Variants in SPTLC2 observed in about 807,000 individuals in gnomAD.
SPTLC2 encodes serine palmitoyltransferase 2.
A neutral mutation model predicts 62.0 loss-of-function variants in SPTLC2; 21 were observed. That is an observed-to-expected ratio of 0.34 (90% CI 0.24 to 0.49). The LOEUF (loss-of-function observed/expected upper bound fraction) is 0.49. Ranked by LOEUF, SPTLC2 falls within the 20% of genes least tolerant of loss-of-function variation. The probability of loss-of-function intolerance (pLI) is 0.99; values close to 1 mark genes in which losing one functional copy is unlikely to be tolerated. For missense variants in SPTLC2, 511 were observed against 713.0 expected (o/e 0.72, Z 3.23); for synonymous variants, 261 against 261.8 (o/e 1.00, Z 0.03).
intron 1 of SPTLC2, among the ~76,000 whole-genome samples, chr14:77,600,983 C>T (rs2079874194): frequency 6.6e-6 from 1 of 150,994 alleles, no homozygotes; most frequent in Admixed American, 6.6e-5. Context: ...AAAAGATAAG[C>T]CATATGTGTA....
intron 1 of SPTLC2, among the ~76,000 whole-genome samples, chr14:77,606,837 A>C (rs2079907938): frequency 6.6e-6 from 1 of 152,064 alleles, no homozygotes; most frequent in Non-Finnish European, 1.5e-5. Flanking sequence ...ACATTTTCAA[A>C]AGTTAGCCGG....
intron 10 of SPTLC2, among the ~76,000 whole-genome samples, chr14:77,519,998 A>G (rs1038066827): frequency 6.6e-6 from 1 of 152,010 alleles, no homozygotes. Context: ...TTCTTTATAC[A>G]TGCTGTATAC....
At chr14:77,517,925 T>C in intron 11 of SPTLC2, 113 bp downstream of exon 11, 1 of 1,539,298 alleles carries the variant, frequency 6.5e-7, no homozygotes, top group Non-Finnish European at 8.9e-7. Flanking sequence ...TGTCACCCCC[T>C]CTGTCTTAGG....
intron 3 of SPTLC2, among the ~76,000 whole-genome samples, 199 bp from the exon 4 acceptor site, chr14:77,577,114 T>G (rs2079720648): frequency 6.6e-6 from 1 of 151,676 alleles, no homozygotes; most frequent in African/African-American, 2.4e-5. Context: ...ATTTTAAAAC[T>G]AATGATATCC....
intron 9 of SPTLC2, among the ~76,000 whole-genome samples, chr14:77,533,581 G>C (rs2140002983): frequency 6.6e-6 from 1 of 152,306 alleles, no homozygotes; most frequent in South Asian, 2.1e-4. Context: ...ACTTGTACCA[G>C]GGCTTACGAT....
intron 1 of SPTLC2, among the ~76,000 whole-genome samples, chr14:77,606,757 C>T (rs1017476867): frequency 5.3e-5 from 8 of 152,184 alleles, no homozygotes; most frequent in African/African-American, 9.6e-5. Flanking sequence ...GAGGCCAAGG[C>T]GGGAGGATTG....
intron 1 of SPTLC2, among the ~76,000 whole-genome samples, chr14:77,601,408 C>T (rs999540914): frequency 3.9e-5 from 6 of 152,188 alleles, no homozygotes; most frequent in African/African-American, 1.4e-4. Flanking sequence ...CAAAACATTG[C>T]TCCTAACTCC....
intron 9 of SPTLC2, among the ~76,000 whole-genome samples, chr14:77,525,845 C>T (rs1395731694): frequency 2.0e-5 from 3 of 152,036 alleles, no homozygotes; most frequent in Non-Finnish European, 2.9e-5. Context: ...ACCCAGGAGG[C>T]GGAGCTTGCA....
In SPTLC2 at chr14:77,525,366, C is replaced by T. The variant is rs149391220; in HGVS notation, c.1304-3785G>A. On this transcript the variant is annotated intron_variant, in intron 9 of 11. Coordinates refer to ENST00000216484, the MANE Select transcript of SPTLC2 (RefSeq NM_004863.4). ...CAGCACTTTGGGAGGCCCAGACAGGCGGACCACCTGAGGTTGGGAGTTTGA... is the reference window on the plus strand; with the variant it reads ...CAGCACTTTGGGAGGCCCAGACAGGTGGACCACCTGAGGTTGGGAGTTTGA... 6.6e-3 allele frequency among the ~76,000 whole-genome samples: 1,000 copies of T among 151,912 alleles called. 9 individuals are homozygous for T. Among genetic ancestry groups the T allele is most frequent in the Non-Finnish European group, 8.9e-3 (604 of 67,946 alleles).
In SPTLC2 at chr14:77,616,631, G is replaced by A. The variant is rs894833306; in HGVS notation, c.-52C>T. On this transcript the variant is annotated 5_prime_UTR_variant, in exon 1 of 12. Transcript: ENST00000216484. The stretch of plus-strand genomic sequence containing the variant: ...AGGCTCTGTAGGCGGTGGCAGCGGC[G>A]GCGGCTGCTCCAAGTCCCGCTCCGC... 5.3e-6 allele frequency: 8 copies of A among 1,514,600 alleles called. No individual in the cohort carries two copies. The East Asian group carries it at 7.4e-5, about 14-fold the overall frequency. The allele number at this position is 1,514,600 out of a possible 1,614,324, so 93.8% of individuals were successfully genotyped here.
rs953159120 is a variant in SPTLC2, at chr14:77,527,541, T to C, written c.1304-5960A>G. ...GCCAAACAGATTTAAGGTGTACCAA[T>C]TGCTTTTCAGTCATTTTTAAAAGGA... On this transcript the variant is annotated intron_variant, in intron 9 of 11. Coordinates refer to ENST00000216484, the MANE Select transcript of SPTLC2 (RefSeq NM_004863.4). 2.6e-5 allele frequency among the ~76,000 whole-genome samples: 4 copies of C among 152,236 alleles called. No individual in the cohort carries two copies. In the East Asian group the frequency reaches 7.7e-4, roughly 29 times the overall value.
chr14:77,509,684 T>C lies in SPTLC2; in HGVS notation c.*2600A>G. 1.3e-5 allele frequency: 5 copies of C among 391,030 alleles called. No individual in the cohort carries two copies. Among genetic ancestry groups the C allele is most frequent in the Non-Finnish European group, 2.3e-5 (5 of 221,788 alleles). The allele number at this position is 391,030 out of a possible 1,614,324, so 24.2% of individuals were successfully genotyped here. ...GTATTCCTCCAAGTACTTGGATAAA[T>C]GATGATACCTAGGATATGACTGGAC... On this transcript the variant is annotated 3_prime_UTR_variant, in exon 12 of 12. Transcript: ENST00000216484.
chr14:77,591,797 C>A lies in SPTLC2; in HGVS notation c.327+5389G>T, dbSNP rs138531677. 1.2e-3 allele frequency among the ~76,000 whole-genome samples: 177 copies of A among 151,648 alleles called. 7 individuals are homozygous for A. In the East Asian group the frequency reaches 0.027, roughly 23 times the overall value. On this transcript the variant is annotated intron_variant, in intron 2 of 11. Transcript: ENST00000216484. ...GGAGTGCAATGGTGTGATCTTGGCT[C>A]ACTGCAACCTCCACCTCTCTGGTTC...
intron 2 of SPTLC2, among the ~76,000 whole-genome samples, chr14:77,596,294 G>C (rs1014834482): frequency 8.3e-4 from 126 of 151,622 alleles, no homozygotes; most frequent in Non-Finnish European, 1.5e-3. Flanking sequence ...AGCCGAGACC[G>C]AGCCACTGCA....
intron 9 of SPTLC2, among the ~76,000 whole-genome samples, chr14:77,523,984 G>A (rs972993535): frequency 4.6e-5 from 7 of 151,994 alleles, no homozygotes; most frequent in Admixed American, 1.3e-4. Context: ...AATAAAAACC[G>A]ACCAAAAATA....
intron 9 of SPTLC2, among the ~76,000 whole-genome samples, chr14:77,551,454 AT>A (rs1258268051): frequency 6.6e-6 from 1 of 151,412 alleles, no homozygotes; most frequent in Non-Finnish European, 1.5e-5. Context: ...CAATGAAAAT[AT>A]TTTTTAAAGT....
chr14:77,583,997 G>A (rs538593351), intron 2 of SPTLC2, among the ~76,000 whole-genome samples: 40 of 152,242 alleles, frequency 2.6e-4, no homozygotes, highest in Non-Finnish European at 5.6e-4. Flanking sequence ...CTGGATCACT[G>A]GGCTTGAAAT....
intron 9 of SPTLC2, among the ~76,000 whole-genome samples, chr14:77,542,580 A>G (rs1350021310): frequency 2.0e-5 from 3 of 152,186 alleles, no homozygotes; most frequent in Admixed American, 2.0e-4. Context: ...CTATTTTGCT[A>G]GACTGGCGAC....
At chr14:77,530,323 A>T (rs980858542) in intron 9 of SPTLC2, among the ~76,000 whole-genome samples, 37 of 147,168 alleles carry the variant, frequency 2.5e-4, no homozygotes, top group South Asian at 2.4e-3. Flanking sequence ...TTTTAAAAAA[A>T]AAAAATATTT....
Sources: gnomAD v4.1 joint callset for allele counts (sites outside exome capture counted in the v4.1 genomes callset) on GRCh38, gnomAD v4.1.1 for gene constraint, MANE v1.5 for transcripts, NCBI Gene and HGNC (gene_info 2026-07-23, HGNC 2026-07-21) for gene names.